Variants in CYP4X1 observed in about 807,000 individuals in gnomAD.
CYP4X1 encodes cytochrome P450 4X1.
Under a neutral mutation model 57.9 loss-of-function variants are expected in CYP4X1, and 44 were observed. The ratio of observed to expected loss-of-function variants is 0.76; its 90% CI spans 0.60 to 0.98. The LOEUF is 0.98. Ranked by LOEUF, CYP4X1 falls within the 50% of genes least tolerant of loss-of-function variation. The pLI is 0.00. For missense variants in CYP4X1, 532 were observed against 623.9 expected, an observed-to-expected ratio of 0.85 and a Z score of 1.57; for synonymous variants, 227 against 228.6, an observed-to-expected ratio of 0.99 and a Z score of 0.06.
At chr1:47,038,026 C>A (rs1037905875) in intron 6 of CYP4X1, among the ~76,000 whole-genome samples, 1 of 152,126 alleles carries the variant, frequency 6.6e-6, no homozygotes, top group Non-Finnish European at 1.5e-5. Context: ...TTCCATTGAT[C>A]TATCTACCAA....
Position 47,024,005 on chromosome 1 carries a change from G to GGGAGGAGGGAGGAAGGAGGAGGGAGGGGC in CYP4X1, c.177+20_177+48dup, listed in dbSNP as rs1644032858. The GGGAGGAGGGAGGAAGGAGGAGGGAGGGGC allele has an allele frequency of 6.2e-7, 1 of 1,607,032 alleles. No individual in the cohort carries two copies. Among genetic ancestry groups the GGGAGGAGGGAGGAAGGAGGAGGGAGGGGC allele is most frequent in the Admixed American group, 1.7e-5 (1 of 59,700 alleles). Reference sequence around the variant, plus strand: ...CTTGGGCACCAGAAGGTAGATGGGAGGGAGGAGGGAGGAAGGAGGAGGGAG... The same window carrying GGGAGGAGGGAGGAAGGAGGAGGGAGGGGC: ...CTTGGGCACCAGAAGGTAGATGGGAGGGAGGAGGGAGGAAGGAGGAGGGAGGGGCGGAGGAGGGAGGAAGGAGGAGGGAG... On this transcript the variant is annotated intron_variant, in intron 1 of 11. Coordinates refer to ENST00000371901, the MANE Select transcript of CYP4X1 (RefSeq NM_178033.2).
At chr1:47,030,179 A>G (rs768382545) in intron 2 of CYP4X1, 48 bp downstream of exon 2, 10 of 1,572,654 alleles carry the variant, frequency 6.4e-6, no homozygotes, top group Non-Finnish European at 8.6e-6. Context: ...TAGAAGTGAA[A>G]TGCATAAAAC....
chr1:47,029,165 G>C (rs980855740), intron 1 of CYP4X1, among the ~76,000 whole-genome samples: 3 of 152,156 alleles, frequency 2.0e-5, no homozygotes, highest in Non-Finnish European at 4.4e-5. Context: ...ACTTTGCAGC[G>C]GGGGACTCCC....
the CYP4X1 span, among the ~76,000 whole-genome samples, chr1:46,977,133 T>C: frequency 5.2e-3 from 796 of 152,218 alleles, 12 homozygotes; most frequent in East Asian, 0.054. Flanking sequence ...CTTTGATGAG[T>C]TGGCAGAAGT....
the CYP4X1 span, among the ~76,000 whole-genome samples, chr1:46,988,299 A>G: frequency 2.0e-5 from 3 of 152,174 alleles, no homozygotes; most frequent in Non-Finnish European, 4.4e-5. Flanking sequence ...AAATAGATAA[A>G]TTCCTGGACA....
chr1:46,967,230 C>T, the CYP4X1 span, among the ~76,000 whole-genome samples: 2 of 152,144 alleles, frequency 1.3e-5, no homozygotes, highest in East Asian at 3.8e-4. Context: ...GAGATTCTCC[C>T]TAGAGCCCCT....
the CYP4X1 span, among the ~76,000 whole-genome samples, chr1:46,971,560 T>C: frequency 6.6e-6 from 1 of 152,230 alleles, no homozygotes; most frequent in East Asian, 1.9e-4. Flanking sequence ...GCATTGCCTT[T>C]TCTCTGCAAA....
chr1:46,993,381 C>CA, the CYP4X1 span, among the ~76,000 whole-genome samples: 1 of 152,074 alleles, frequency 6.6e-6, no homozygotes. Flanking sequence ...TGAATAGTGC[C>CA]ACAATAAACA....
intron 6 of CYP4X1, among the ~76,000 whole-genome samples, chr1:47,037,140 G>A (rs1320394660): frequency 2.0e-5 from 3 of 151,976 alleles, no homozygotes; most frequent in Non-Finnish European, 4.4e-5. Context: ...GGATTTGGGG[G>A]AAGCTATACA....
At chr1:47,005,001 A>G in the CYP4X1 span, among the ~76,000 whole-genome samples, 1 of 152,170 alleles carries the variant, frequency 6.6e-6, no homozygotes, top group African/African-American at 2.4e-5. Context: ...GGACAAAAGG[A>G]AAGCTCATGG....
the CYP4X1 span, among the ~76,000 whole-genome samples, chr1:47,002,393 T>C: frequency 6.6e-6 from 1 of 152,218 alleles, no homozygotes; most frequent in Non-Finnish European, 1.5e-5. Context: ...AGGGATGCTC[T>C]CCTGTCCTCT....
chr1:47,054,692 G>A (rs1324064286), downstream of CYP4X1, among the ~76,000 whole-genome samples: 1 of 152,136 alleles, frequency 6.6e-6, no homozygotes, highest in East Asian at 1.9e-4. Context: ...TTGTGAATGG[G>A]AATTCACTCA....
chr1:47,053,735 C>T (rs917313238), downstream of CYP4X1, among the ~76,000 whole-genome samples: 2 of 152,338 alleles, frequency 1.3e-5, no homozygotes, highest in Non-Finnish European at 1.5e-5. Context: ...AGTCTCTGCT[C>T]ATATCCTTCG....
intron 2 of CYP4X1, 28 bp downstream of exon 2, chr1:47,030,159 C>A: frequency 6.3e-7 from 1 of 1,587,486 alleles, no homozygotes; most frequent in Non-Finnish European, 8.6e-7. Flanking sequence ...GCTCTGGGAC[C>A]TATTCCTCCT....
At chr1:47,016,703 T>C in the CYP4X1 span, among the ~76,000 whole-genome samples, 1 of 151,074 alleles carries the variant, frequency 6.6e-6, no homozygotes, top group Non-Finnish European at 1.5e-5. Flanking sequence ...TGCATAATAA[T>C]CACATTGGAT....
the CYP4X1 span, among the ~76,000 whole-genome samples, chr1:47,010,429 C>A: frequency 6.6e-6 from 1 of 152,178 alleles, no homozygotes; most frequent in African/African-American, 2.4e-5. Flanking sequence ...TAAGAGCTAT[C>A]TATGACAAAC....
At chr1:47,010,122 A>C in the CYP4X1 span, among the ~76,000 whole-genome samples, 2 of 152,234 alleles carry the variant, frequency 1.3e-5, no homozygotes, top group East Asian at 3.8e-4. Flanking sequence ...AGAGAATTTT[A>C]GACCAATATC....
chr1:46,971,671 G>A, the CYP4X1 span, among the ~76,000 whole-genome samples: 1 of 152,250 alleles, frequency 6.6e-6, no homozygotes, highest in African/African-American at 2.4e-5. Context: ...TTCTCTAATA[G>A]TTAGTGATAT....
chr1:47,053,970 T>G (rs12139231), downstream of CYP4X1, among the ~76,000 whole-genome samples: 63,223 of 151,320 alleles, frequency 0.42, 14,554 homozygotes, highest in East Asian at 0.97. Context: ...TGCTTTTGGT[T>G]TTTTAGACAT....
Sources: allele counts gnomAD v4.1 joint callset (sites outside exome capture counted in the v4.1 genomes callset), GRCh38; gene constraint gnomAD v4.1.1; transcripts MANE v1.5; gene names NCBI Gene and HGNC (gene_info 2026-07-23, HGNC 2026-07-21).